UNC13C: variants seen among roughly 807,000 people sequenced by gnomAD.
The protein encoded by UNC13C is unc-13 homolog C.
In UNC13C, 174 loss-of-function variants were observed where a neutral mutation model predicts 245.4. The ratio of observed to expected loss-of-function variants is 0.71; its 90% CI spans 0.63 to 0.80. The LOEUF (loss-of-function observed/expected upper bound fraction) is 0.80. UNC13C is among the 30% of genes least tolerant of loss of function. The pLI, the probability that UNC13C is intolerant of heterozygous loss-of-function variation, is 0.00. For missense variants in UNC13C, 2,829 were observed against 2,602.9 expected, an observed-to-expected ratio of 1.09 and a Z score of -1.89; for synonymous variants, 992 against 895.1, an observed-to-expected ratio of 1.11 and a Z score of -1.93.
intron 17 of UNC13C, among the ~76,000 whole-genome samples, chr15:54,346,164 T>C (rs1219400853): frequency 1.3e-5 from 2 of 152,272 alleles, no homozygotes; most frequent in South Asian, 2.1e-4. Context: ...ATCTTTGTAT[T>C]CCCAGTGCCT....
intron 8 of UNC13C, among the ~76,000 whole-genome samples, chr15:54,260,865 A>G (rs188690210): frequency 1.1e-3 from 173 of 151,822 alleles, no homozygotes; most frequent in Non-Finnish European, 2.0e-3. Context: ...AAAAACACAA[A>G]AATTGTAAAT....
chr15:53,905,250 C>T, the UNC13C span, among the ~76,000 whole-genome samples: 6 of 152,132 alleles, frequency 3.9e-5, no homozygotes, highest in South Asian at 2.1e-4. Context: ...GCTATCTCTA[C>T]TCTCATGTTC....
rs138612857 is a variant in UNC13C, at chr15:54,168,050, G to A, written c.3071+24366G>A. Among the ~76,000 whole-genome samples the A allele has an allele frequency of 6.0e-3, 913 of 152,266 alleles. 8 individuals carry two copies. The highest frequency in any genetic ancestry group is 0.01 in the Non-Finnish European group (700 of 68,014). On this transcript the variant is annotated intron_variant, in intron 4 of 32. Transcript: ENST00000260323. ...CCTTTGGAAAGTGGGATGGTTATACGAATAGATACGTGATAGAGCAAGTAT... is the reference window on the plus strand; with the variant it reads ...CCTTTGGAAAGTGGGATGGTTATACAAATAGATACGTGATAGAGCAAGTAT...
At chr15:54,466,830 T>C (rs1009127825) in intron 19 of UNC13C, among the ~76,000 whole-genome samples, 2 of 151,762 alleles carry the variant, frequency 1.3e-5, no homozygotes, top group African/African-American at 4.8e-5. Flanking sequence ...AAGAGAAAAA[T>C]GTAATAAAAG....
chr15:54,198,034 G>A (rs1011463626), intron 4 of UNC13C, among the ~76,000 whole-genome samples: 15 of 152,080 alleles, frequency 9.9e-5, no homozygotes, highest in African/African-American at 3.6e-4. Flanking sequence ...GGAGTGGGGT[G>A]AGGCTTGTGA....
intron 23 of UNC13C, among the ~76,000 whole-genome samples, chr15:54,508,319 A>G (rs1370287611): frequency 6.6e-6 from 1 of 152,102 alleles, no homozygotes; most frequent in African/African-American, 2.4e-5. Flanking sequence ...AAAGGTGACC[A>G]TGAGCTCCTA....
At chr15:54,297,235 A>G (rs1431341725) in intron 11 of UNC13C, among the ~76,000 whole-genome samples, 1 of 152,224 alleles carries the variant, frequency 6.6e-6, no homozygotes, top group Non-Finnish European at 1.5e-5. Context: ...GAAATATATG[A>G]GAATTGCAGG....
chr15:53,941,564 C>A, the UNC13C span, among the ~76,000 whole-genome samples: 1 of 151,782 alleles, frequency 6.6e-6, no homozygotes, highest in African/African-American at 2.4e-5. Flanking sequence ...GTCTAATATC[C>A]GAGGTCTACA....
intron 24 of UNC13C, among the ~76,000 whole-genome samples, chr15:54,518,387 T>C (rs1895072513): frequency 6.6e-6 from 1 of 152,126 alleles, no homozygotes; most frequent in Non-Finnish European, 1.5e-5. Flanking sequence ...GGGTTACTCA[T>C]ATACTGCCAA....
intron 31 of UNC13C, 132 bp from the exon 32 acceptor site, chr15:54,623,663 C>A: frequency 1.3e-6 from 1 of 765,790 alleles, no homozygotes; most frequent in Non-Finnish European, 2.1e-6. Context: ...ATTTTATTGT[C>A]TTGGAGTACA....
chr15:54,356,339 C>A (rs1224652675), intron 17 of UNC13C, among the ~76,000 whole-genome samples: 3 of 152,048 alleles, frequency 2.0e-5, no homozygotes, highest in Non-Finnish European at 2.9e-5. Context: ...AATTTTCAGT[C>A]CCTCCGGCAA....
intron 2 of UNC13C, among the ~76,000 whole-genome samples, chr15:54,125,960 T>A (rs182239697): frequency 6.6e-6 from 1 of 152,248 alleles, no homozygotes; most frequent in East Asian, 1.9e-4. Flanking sequence ...AGAAAACTTA[T>A]ACACAATACA....
At chr15:54,295,680 C>CAAAA (rs34686235) in intron 11 of UNC13C, among the ~76,000 whole-genome samples, 25,996 of 148,914 alleles carry the variant, frequency 0.17, 2,374 homozygotes, top group African/African-American at 0.22. Flanking sequence ...AGAAGAAGAA[C>CAAAA]AAAAAGAAAA....
rs1347623083 is a variant in UNC13C at position 54,172,709 on chromosome 15, TATATATATATA to T, written c.3071+29026_3071+29036del. Among the ~76,000 whole-genome samples the T allele has an allele frequency of 5.9e-4, 32 of 54,246 alleles. 2 individuals carry two copies. Among genetic ancestry groups the T allele is most frequent in the South Asian group, 2.0e-3 (3 of 1,510 alleles). 35.6% of individuals were successfully genotyped at this position (54,246 alleles called of 152,430 possible). ...AAAGTCAAATACACACACAGATATA[TATATATATATA>T]TATATATATATATATATATATATAT... On this transcript the variant is annotated intron_variant, in intron 4 of 32. Coordinates refer to ENST00000260323, the MANE Select transcript of UNC13C (RefSeq NM_001080534.3).
At chr15:54,453,364 C>T (rs1163807633) in intron 19 of UNC13C, among the ~76,000 whole-genome samples, 3 of 152,152 alleles carry the variant, frequency 2.0e-5, no homozygotes, top group Admixed American at 1.3e-4. Flanking sequence ...CTGTTGAATC[C>T]TGATGTTCTC....
rs1490224554 is a variant in UNC13C at position 54,186,347 on chromosome 15, C to T, written c.3071+42663C>T. Among the ~76,000 whole-genome samples the T allele has an allele frequency of 5.9e-5, 9 of 152,062 alleles. 1 individual carries two copies. Among genetic ancestry groups the T allele is most frequent in the Admixed American group, 5.2e-4 (8 of 15,252 alleles). ...GAGAGAGGGCATCCCTGTCTTGTGCCAGTTTTCAAAGGGAATGTAGTTTAA... is the reference window on the plus strand; with the variant it reads ...GAGAGAGGGCATCCCTGTCTTGTGCTAGTTTTCAAAGGGAATGTAGTTTAA... On this transcript the variant is annotated intron_variant, in intron 4 of 32. Transcript: ENST00000260323.
At chr15:54,416,833 G>A (rs1458715897) in intron 19 of UNC13C, 3 of 447,692 alleles carry the variant, frequency 6.7e-6, no homozygotes, top group Non-Finnish European at 1.3e-5. Context: ...CATTTATGCA[G>A]CTACTTAAGC....
chr15:54,309,482 T>C (rs1015884297), intron 13 of UNC13C, among the ~76,000 whole-genome samples: 24 of 151,984 alleles, frequency 1.6e-4, no homozygotes, highest in African/African-American at 5.3e-4. Flanking sequence ...ATTGTTTCCT[T>C]TACTGTGAAG....
At chr15:54,012,061 C>A (rs140817510) in intron 1 of UNC13C, among the ~76,000 whole-genome samples, 29 of 152,096 alleles carry the variant, frequency 1.9e-4, no homozygotes, top group African/African-American at 6.3e-4. Flanking sequence ...AATATGAGGC[C>A]CTGTGCTGGC....
Sources: gnomAD v4.1 joint callset for allele counts (sites outside exome capture counted in the v4.1 genomes callset) on GRCh38, gnomAD v4.1.1 for gene constraint, MANE v1.5 for transcripts, NCBI Gene and HGNC (gene_info 2026-07-23, HGNC 2026-07-21) for gene names.